Variants in AVEN observed in about 807,000 individuals in gnomAD.
AVEN encodes the protein cell death regulator Aven.
In AVEN, 41 loss-of-function variants were observed where a neutral mutation model predicts 38.1. That is an observed-to-expected ratio of 1.08 (90% confidence interval 0.84 to 1.40). The LOEUF (loss-of-function observed/expected upper bound fraction) is 1.40, where lower values mean the gene tolerates loss of function less well. AVEN is among the 40% of genes most tolerant of loss of function. The pLI is 0.00. For missense variants in AVEN, 605 were observed against 438.8 expected, an observed-to-expected ratio of 1.38 and a Z score of -3.38; for synonymous variants, 206 against 171.8, an observed-to-expected ratio of 1.20 and a Z score of -1.56.
intron 1 of AVEN, among the ~76,000 whole-genome samples, chr15:34,028,653 A>G (rs1465964322): frequency 1.3e-5 from 2 of 152,212 alleles, no homozygotes; most frequent in Non-Finnish European, 2.9e-5. Flanking sequence ...TAGTAAATAT[A>G]TTGTGTTCAT....
chr15:34,020,112 C>A (rs1204249267), intron 1 of AVEN, among the ~76,000 whole-genome samples: 2 of 152,024 alleles, frequency 1.3e-5, no homozygotes, highest in East Asian at 1.9e-4. Flanking sequence ...GAGATCGAGA[C>A]CATCTTGGCT....
At chr15:33,857,843 T>C (rs1381410281), downstream of AVEN, 1 of 1,614,094 alleles carries the variant, frequency 6.2e-7, no homozygotes, top group East Asian at 2.2e-5. Flanking sequence ...GGCTTTCAAC[T>C]TCTTCCGCAA....
chr15:34,056,074 G>T (rs1030777614), intron 5 of AVEN, among the ~76,000 whole-genome samples: 32 of 152,146 alleles, frequency 2.1e-4, no homozygotes, highest in African/African-American at 7.7e-4. Context: ...CTCAAAATAT[G>T]CTGAGGGCTG....
chr15:34,037,488 A>G (rs990145965), intron 1 of AVEN, among the ~76,000 whole-genome samples: 2 of 149,866 alleles, frequency 1.3e-5, no homozygotes, highest in Admixed American at 6.7e-5. Context: ...TAAATAATAT[A>G]TAACATTGTA....
At position 34,006,698 on chromosome 15, in the gene AVEN, G is replaced by A. The variant is rs543884984; in HGVS notation, c.268-3489C>T. 2.3e-3 allele frequency among the ~76,000 whole-genome samples: 354 copies of A among 152,298 alleles called. 3 individuals carry two copies. Among genetic ancestry groups the A allele is most frequent in the Middle Eastern group, 6.8e-3 (2 of 294 alleles). On this transcript the variant is annotated intron_variant, in intron 1 of 5. Coordinates refer to ENST00000306730, the MANE Select transcript of AVEN (RefSeq NM_020371.3). ...GAATAACTCACCAGTCCCCAAATTAGAAGAACCACTGAACAAGGATCTCAT... is the reference window on the plus strand; with the variant it reads ...GAATAACTCACCAGTCCCCAAATTAAAAGAACCACTGAACAAGGATCTCAT...
intron 2 of AVEN, among the ~76,000 whole-genome samples, chr15:33,922,361 A>T (rs1893427993): frequency 6.6e-6 from 1 of 152,098 alleles, no homozygotes; most frequent in Admixed American, 6.5e-5. Context: ...CCTGAGGACT[A>T]CTCGTATTCC....
rs557308961 is a variant in AVEN, at chr15:33,876,020, T to A, written c.446-25A>T. 4.0e-4 allele frequency: 617 copies of A among 1,544,668 alleles called. No individual in the cohort carries two copies. The East Asian group carries it at 9.4e-3, about 24-fold the overall frequency. ...CCTAGGAATAGGAAAAAAAAAAAAA[T>A]TTATGCAAAAGCCAACGGAAACTCT... is the stretch of plus-strand genomic sequence containing the variant. On this transcript the variant is annotated intron_variant, in intron 2 of 5. Coordinates refer to ENST00000306730, the MANE Select transcript of AVEN (RefSeq NM_020371.3).
In AVEN at chr15:33,872,674, G is replaced by T. The variant is rs190181355; in HGVS notation, c.517-1644C>A. Among the ~76,000 whole-genome samples, 12 of 152,176 alleles carry T rather than the reference G, an allele frequency of 7.9e-5. No individual in the cohort carries two copies. In the East Asian group the frequency reaches 2.3e-3, roughly 29 times the overall value. ...CTCAGCAGCCAGTATATTGCCCAAG[G>T]AAGTCCTACTGGATAAGTCACCATG... On this transcript the variant is annotated intron_variant, in intron 3 of 5. Transcript: ENST00000306730.
Position 33,892,260 on chromosome 15 carries a change from G to C in AVEN, c.446-16265C>G, listed in dbSNP as rs188994116. Among the ~76,000 whole-genome samples, 397 of 152,308 alleles carry C rather than the reference G, an allele frequency of 2.6e-3. 2 individuals are homozygous for C. The highest frequency in any genetic ancestry group is 0.016 in the South Asian group (75 of 4,824). On this transcript the variant is annotated intron_variant, in intron 2 of 5. Coordinates refer to ENST00000306730, the MANE Select transcript of AVEN (RefSeq NM_020371.3). ...ATCCCATTCATCTATTTTGGCTTTTGTTGCCATTGCTTTTGGCATTTTAGC... is the reference window on the plus strand; with the variant it reads ...ATCCCATTCATCTATTTTGGCTTTTCTTGCCATTGCTTTTGGCATTTTAGC...
intron 5 of AVEN, among the ~76,000 whole-genome samples, chr15:33,867,291 G>C (rs934548418): frequency 1.3e-5 from 2 of 152,208 alleles, no homozygotes; most frequent in Non-Finnish European, 2.9e-5. Context: ...AGCTTTGGAA[G>C]CTTGGTGTGT....
chr15:34,037,570 G>A (rs1180822881), intron 1 of AVEN, among the ~76,000 whole-genome samples: 1 of 149,046 alleles, frequency 6.7e-6, no homozygotes, highest in African/African-American at 2.4e-5. Context: ...ATATAATAGA[G>A]TTATAAGAAC....
At chr15:33,868,850 A>C (rs909515173) in intron 4 of AVEN, among the ~76,000 whole-genome samples, 20 of 152,170 alleles carry the variant, frequency 1.3e-4, no homozygotes, top group African/African-American at 4.8e-4. Context: ...TGCTCATTCC[A>C]TGTATACTTA....
intron 2 of AVEN, among the ~76,000 whole-genome samples, chr15:33,936,147 A>AC (rs1555508342): frequency 6.6e-6 from 1 of 152,156 alleles, no homozygotes; most frequent in Non-Finnish European, 1.5e-5. Flanking sequence ...GAAAAAAAAA[A>AC]CAACAAGGAT....
intron 5 of AVEN, among the ~76,000 whole-genome samples, chr15:34,055,602 C>A (rs893339512): frequency 6.6e-6 from 1 of 151,828 alleles, no homozygotes; most frequent in Admixed American, 6.6e-5. Context: ...GAGATCAAGA[C>A]CATCCTGGCT....
intron 2 of AVEN, among the ~76,000 whole-genome samples, chr15:33,982,537 G>C (rs1896198896): frequency 6.6e-6 from 1 of 152,170 alleles, no homozygotes; most frequent in Non-Finnish European, 1.5e-5. Context: ...CAATTTGATT[G>C]ACTGCTATTA....
intron 5 of AVEN, among the ~76,000 whole-genome samples, chr15:34,047,577 T>C (rs1220852555): frequency 6.6e-6 from 1 of 152,050 alleles, no homozygotes. Flanking sequence ...AGAGTCTGCC[T>C]GAGAGAGAAT....
intron 2 of AVEN, among the ~76,000 whole-genome samples, chr15:33,892,055 T>C (rs1408060129): frequency 6.6e-6 from 1 of 152,264 alleles, no homozygotes; most frequent in Non-Finnish European, 1.5e-5. Context: ...TTCATATCCT[T>C]TGCCCACTTT....
intron 2 of AVEN, among the ~76,000 whole-genome samples, chr15:33,953,560 T>C (rs1259032268): frequency 4.6e-5 from 7 of 152,216 alleles, no homozygotes; most frequent in Non-Finnish European, 8.8e-5. Flanking sequence ...ATGTAATAAA[T>C]GGTGCTGGTA....
chr15:33,977,636 G>C (rs1895942856), intron 2 of AVEN, among the ~76,000 whole-genome samples: 1 of 152,152 alleles, frequency 6.6e-6, no homozygotes, highest in South Asian at 2.1e-4. Flanking sequence ...CTATGTCTAT[G>C]TCTGTGAAAT....
Sources: gnomAD v4.1 joint callset for allele counts (sites outside exome capture counted in the v4.1 genomes callset) on GRCh38, gnomAD v4.1.1 for gene constraint, MANE v1.5 for transcripts, NCBI Gene and HGNC (gene_info 2026-07-23, HGNC 2026-07-21) for gene names.